The following DSCAM variants were observed in gnomAD, a reference collection of about 807,000 sequenced individuals.
DSCAM encodes DS cell adhesion molecule.
Under a neutral mutation model 217.7 loss-of-function variants are expected in DSCAM, and 47 were observed. That is an observed-to-expected ratio of 0.22 (90% CI 0.17 to 0.28). The LOEUF (loss-of-function observed/expected upper bound fraction) is 0.28, where lower values mean the gene tolerates loss of function less well. Among genes scored for constraint, DSCAM ranks in the 10% least tolerant of loss-of-function variants. The pLI is 1.00. For synonymous variants in DSCAM, 1,056 were observed against 1,015.3 expected (o/e 1.04, Z -0.76); for missense variants, 2,080 against 2,618.3 (o/e 0.79, Z 4.49).
intron 9 of DSCAM, among the ~76,000 whole-genome samples, chr21:40,298,628 T>A (rs1303178628): frequency 6.6e-6 from 1 of 152,030 alleles, no homozygotes; most frequent in African/African-American, 2.4e-5. Flanking sequence ...AGTTTTCTAG[T>A]AAAAGTGACC....
intron 32 of DSCAM, among the ~76,000 whole-genome samples, chr21:40,029,739 A>T (rs1192053087): frequency 6.6e-6 from 1 of 152,110 alleles, no homozygotes; most frequent in Admixed American, 6.5e-5. Context: ...GGTATCTGTC[A>T]TGTTGGCTCT....
chr21:40,806,257 A>T (rs2091786145), intron 1 of DSCAM, among the ~76,000 whole-genome samples: 1 of 152,192 alleles, frequency 6.6e-6, no homozygotes, highest in South Asian at 2.1e-4. Context: ...ATGCTGCAGA[A>T]TGCTGCCATT....
intron 3 of DSCAM, among the ~76,000 whole-genome samples, chr21:40,418,803 A>G (rs1027007184): frequency 6.6e-6 from 1 of 152,202 alleles, no homozygotes; most frequent in African/African-American, 2.4e-5. Context: ...AAATTGAATT[A>G]GTGGGGTAAA....
intron 3 of DSCAM, among the ~76,000 whole-genome samples, chr21:40,495,466 T>C (rs552559963): frequency 6.6e-6 from 1 of 152,296 alleles, no homozygotes; most frequent in African/African-American, 2.4e-5. Context: ...AGAAAAGGCT[T>C]TTGAGAAAAT....
intron 8 of DSCAM, among the ~76,000 whole-genome samples, chr21:40,322,116 T>C (rs2074266419): frequency 6.6e-6 from 1 of 152,190 alleles, no homozygotes; most frequent in Admixed American, 6.5e-5. Flanking sequence ...TGTGTTGATG[T>C]CTGCATTTGT....
chr21:40,074,219 A>G (rs1179946664), intron 27 of DSCAM, among the ~76,000 whole-genome samples: 3 of 152,234 alleles, frequency 2.0e-5, no homozygotes, highest in African/African-American at 7.2e-5. Context: ...TGAAACACAC[A>G]TAGGATGCTG....
chr21:40,628,204 C>T (rs1487460903), intron 3 of DSCAM, among the ~76,000 whole-genome samples: 2 of 152,192 alleles, frequency 1.3e-5, no homozygotes, highest in Non-Finnish European at 2.9e-5. Flanking sequence ...TAACTGAATT[C>T]AGCAGAGTAG....
chr21:40,042,261 A>G (rs181308805), intron 32 of DSCAM, 110 bp downstream of exon 32: 122 of 1,154,090 alleles, frequency 1.1e-4, no homozygotes, highest in Admixed American at 1.1e-3. Context: ...ATCCATAAAC[A>G]GAGCACCCAT....
chr21:40,128,944 T>G (rs1161662309), intron 19 of DSCAM, among the ~76,000 whole-genome samples: 2 of 152,212 alleles, frequency 1.3e-5, no homozygotes, highest in African/African-American at 2.4e-5. Context: ...GGGTAAGCCC[T>G]CCTGTAACAT....
At chr21:40,326,583 A>G (rs2074319784) in intron 8 of DSCAM, among the ~76,000 whole-genome samples, 1 of 152,218 alleles carries the variant, frequency 6.6e-6, no homozygotes, top group Non-Finnish European at 1.5e-5. Context: ...TCTAGAGGGA[A>G]TATTCGAACC....
intron 4 of DSCAM, 119 bp from the exon 5 acceptor site, chr21:40,353,862 C>G (rs1474816938): frequency 1.1e-6 from 1 of 914,766 alleles, no homozygotes; most frequent in Non-Finnish European, 1.5e-6. Flanking sequence ...TGATACAGAT[C>G]TTTAAGATTT....
chr21:40,559,861 C>T (rs530745859), intron 3 of DSCAM, among the ~76,000 whole-genome samples: 20 of 145,662 alleles, frequency 1.4e-4, no homozygotes, highest in South Asian at 1.3e-3. Flanking sequence ...GGCGCGATCT[C>T]GGCTCACTGC....
chr21:40,083,918 G>A lies in DSCAM; in HGVS notation c.4221C>T (p.Ser1407=). 6.2e-7 allele frequency: 1 copy of A among 1,612,952 alleles called. No homozygotes were observed. Residue 1407 remains serine (S), a synonymous_variant, in exon 24 of 33, where the codon AGC becomes AGT. Transcript: ENST00000400454. ...TCTATATCTTATTACCTCTGATAGAGCTGCCCCCGTTGTCTCCAGGGAGCC... is the reference window on the plus strand; with the variant it reads ...TCTATATCTTATTACCTCTGATAGAACTGCCCCCGTTGTCTCCAGGGAGCC... ...LSWLPGDNGG[S]SIRGYILQYS... is the part of the protein sequence containing the mutation.
intron 3 of DSCAM, among the ~76,000 whole-genome samples, chr21:40,491,413 C>T (rs1358959460): frequency 6.6e-6 from 1 of 152,086 alleles, no homozygotes; most frequent in Non-Finnish European, 1.5e-5. Flanking sequence ...TGGCAATTTT[C>T]CCTTGCAGGC....
At chr21:40,797,359 C>T (rs899015659) in intron 1 of DSCAM, among the ~76,000 whole-genome samples, 26 of 152,200 alleles carry the variant, frequency 1.7e-4, no homozygotes, top group East Asian at 3.9e-4. Context: ...CACACTGTTG[C>T]GAAACCCAGT....
At chr21:40,523,895 G>A (rs2076379559) in intron 3 of DSCAM, among the ~76,000 whole-genome samples, 1 of 152,114 alleles carries the variant, frequency 6.6e-6, no homozygotes, top group African/African-American at 2.4e-5. Flanking sequence ...CTGCCTGTCT[G>A]TATGCCCTCT....
intron 16 of DSCAM, among the ~76,000 whole-genome samples, chr21:40,157,019 T>A (rs2090485779): frequency 6.6e-6 from 1 of 152,174 alleles, no homozygotes; most frequent in South Asian, 2.1e-4. Flanking sequence ...CTCCTCCAGA[T>A]CTGTTTGGCT....
At chr21:40,485,388 G>A (rs1041011620) in intron 3 of DSCAM, among the ~76,000 whole-genome samples, 4 of 151,686 alleles carry the variant, frequency 2.6e-5, no homozygotes, top group South Asian at 4.2e-4. Flanking sequence ...GACTACAGGC[G>A]CCCGCCACCG....
At chr21:40,278,126 T>C (rs1188724456) in intron 10 of DSCAM, among the ~76,000 whole-genome samples, 1 of 151,892 alleles carries the variant, frequency 6.6e-6, no homozygotes, top group Admixed American at 6.6e-5. Context: ...AAAAAGAAAA[T>C]ATATTGGCAA....
Sources: gnomAD v4.1 joint callset for allele counts (sites outside exome capture counted in the v4.1 genomes callset) on GRCh38, gnomAD v4.1.1 for gene constraint, MANE v1.5 for transcripts, NCBI Gene and HGNC (gene_info 2026-07-23, HGNC 2026-07-21) for gene names.